The following MFAP3L variants were observed in gnomAD, a reference collection of about 807,000 sequenced individuals.
MFAP3L encodes the protein microfibrillar-associated protein 3-like.
A neutral mutation model predicts 20.0 loss-of-function variants in MFAP3L; 5 were observed. That is an observed-to-expected ratio of 0.25 (90% CI 0.13 to 0.53). MFAP3L has a LOEUF of 0.53. MFAP3L is among the 20% of genes least tolerant of loss of function. The pLI, the probability that MFAP3L is intolerant of heterozygous loss-of-function variation, is 0.96. For missense variants in MFAP3L, 409 were observed against 527.5 expected, an observed-to-expected ratio of 0.78 and a Z score of 2.20; for synonymous variants, 219 against 213.0, an observed-to-expected ratio of 1.03 and a Z score of -0.25.
intron 1 of MFAP3L, among the ~76,000 whole-genome samples, chr4:170,019,891 C>A (rs925916621): frequency 6.6e-6 from 1 of 152,166 alleles, no homozygotes; most frequent in Non-Finnish European, 1.5e-5. Flanking sequence ...CAGTCTCAAT[C>A]CAGAATTAGG....
chr4:169,999,847 G>A (rs528425122), intron 2 of MFAP3L, among the ~76,000 whole-genome samples: 11 of 152,292 alleles, frequency 7.2e-5, no homozygotes, highest in African/African-American at 2.6e-4. Flanking sequence ...GCTCCTTTGG[G>A]TTACAGCAGG....
chr4:169,998,140 G>C (rs540757790), intron 2 of MFAP3L, among the ~76,000 whole-genome samples: 1 of 152,252 alleles, frequency 6.6e-6, no homozygotes, highest in African/African-American at 2.4e-5. Context: ...TCCACACCGG[G>C]AAGGCAGCTG....
chr4:170,004,782 G>C (rs752928285), intron 2 of MFAP3L, among the ~76,000 whole-genome samples: 1 of 152,130 alleles, frequency 6.6e-6, no homozygotes, highest in Admixed American at 6.6e-5. Context: ...TGCTACTTTA[G>C]AACAATGTTC....
intron 1 of MFAP3L, among the ~76,000 whole-genome samples, chr4:170,024,844 A>C (rs1740252449): frequency 6.6e-6 from 1 of 152,240 alleles, no homozygotes; most frequent in South Asian, 2.1e-4. Context: ...CTTGCAAGCA[A>C]GCACCAACCT....
chr4:169,998,214 T>C (rs924682859), intron 2 of MFAP3L, among the ~76,000 whole-genome samples: 2 of 152,148 alleles, frequency 1.3e-5, no homozygotes, highest in African/African-American at 2.4e-5. Flanking sequence ...GTCTCCTCAA[T>C]AGGACAGTGC....
At chr4:170,018,081 C>T (rs1739809921) in intron 1 of MFAP3L, among the ~76,000 whole-genome samples, 1 of 152,122 alleles carries the variant, frequency 6.6e-6, no homozygotes, top group South Asian at 2.1e-4. Flanking sequence ...CTTGGTGACA[C>T]CTGCATACAA....
At chr4:170,017,784 T>C (rs191640953) in intron 1 of MFAP3L, among the ~76,000 whole-genome samples, 3 of 152,338 alleles carry the variant, frequency 2.0e-5, no homozygotes, top group Admixed American at 2.0e-4. Context: ...TTAAACAAAA[T>C]CACCAGAAGA....
At chr4:170,009,623 A>G (rs1739253558) in intron 1 of MFAP3L, among the ~76,000 whole-genome samples, 10 of 152,236 alleles carry the variant, frequency 6.6e-5, no homozygotes, top group Admixed American at 6.5e-4. Flanking sequence ...GTTAAACCTC[A>G]TAATCTTTGG....
intron 1 of MFAP3L, among the ~76,000 whole-genome samples, chr4:170,023,429 T>C (rs1740159061): frequency 6.6e-6 from 1 of 152,204 alleles, no homozygotes; most frequent in South Asian, 2.1e-4. Flanking sequence ...GCATAACTTA[T>C]AAACTACTTC....
chr4:170,005,531 G>A lies in MFAP3L; in HGVS notation c.298+49C>T, dbSNP rs565517278. 1.5e-4 allele frequency: 236 copies of A among 1,573,296 alleles called. 4 individuals carry two copies. In the South Asian group the frequency reaches 2.4e-3, roughly 16 times the overall value. On this transcript the variant is annotated intron_variant, in intron 2 of 2. Transcript: ENST00000361618. ...TAACATCACGGGTGCTGGCTCCAAA[G>A]CTCCTGTTTATATTTTATTATGACA...
chr4:169,999,770 A>G (rs752644081), intron 2 of MFAP3L, among the ~76,000 whole-genome samples: 1 of 152,196 alleles, frequency 6.6e-6, no homozygotes, highest in Non-Finnish European at 1.5e-5. Context: ...CAGAAAATTA[A>G]CCTTAGTAAA....
At chr4:169,996,047 CCTCT>C (rs1211514559) in intron 2 of MFAP3L, among the ~76,000 whole-genome samples, 1 of 135,424 alleles carries the variant, frequency 7.4e-6, no homozygotes, top group Admixed American at 7.7e-5. Context: ...TCCTCCATCC[CCTCT>C]CTCTCAGCTC....
intron 1 of MFAP3L, among the ~76,000 whole-genome samples, chr4:170,010,808 C>CG (rs374665714): frequency 0.061 from 9,120 of 150,418 alleles, 390 homozygotes; most frequent in Non-Finnish European, 0.09. Flanking sequence ...CACTGCATTG[C>CG]GGGGGGGTGG....
At chr4:169,998,835 A>G (rs1581469092) in intron 2 of MFAP3L, among the ~76,000 whole-genome samples, 1 of 152,250 alleles carries the variant, frequency 6.6e-6, no homozygotes, top group East Asian at 1.9e-4. Flanking sequence ...CTTGAAACTA[A>G]TTTAAAAATA....
At chr4:170,000,417 C>A (rs1308296757) in intron 2 of MFAP3L, among the ~76,000 whole-genome samples, 3 of 152,082 alleles carry the variant, frequency 2.0e-5, no homozygotes, top group Admixed American at 6.5e-5. Context: ...GGATTTTTAG[C>A]AATTGAAACC....
intron 1 of MFAP3L, among the ~76,000 whole-genome samples, chr4:170,014,944 C>T (rs951379311): frequency 2.0e-5 from 3 of 152,214 alleles, no homozygotes; most frequent in Non-Finnish European, 4.4e-5. Context: ...TAGTACCCAA[C>T]TGAGACACAG....
At chr4:170,015,028 C>T (rs1353124163) in intron 1 of MFAP3L, among the ~76,000 whole-genome samples, 1 of 152,170 alleles carries the variant, frequency 6.6e-6, no homozygotes, top group Non-Finnish European at 1.5e-5. Context: ...AGGTCTCCTG[C>T]AGCCGTGGAG....
intron 2 of MFAP3L, among the ~76,000 whole-genome samples, chr4:170,004,540 C>T (rs976728873): frequency 6.6e-6 from 1 of 152,150 alleles, no homozygotes; most frequent in East Asian, 1.9e-4. Context: ...CTCAACCATT[C>T]GGAACACAGC....
At position 169,991,408 on chromosome 4, in the gene MFAP3L, G is replaced by A; in HGVS notation, c.1200C>T (p.Asn400=). The change falls in exon 3 of 3, where the codon AAC becomes AAT. Residue 400 remains asparagine (N), a synonymous_variant. Transcript: ENST00000361618. This position sits in a 1 kb window ranked among gnomAD's most constrained non-coding sequence, Gnocchi z 4.9. ...CATGGCTTTCGTAAATAATGCAGGT[G>A]TTTTTGTCATGTGTCACTGCTGGCT... The part of the protein sequence containing the change: ...ATEPAVTHDK[N]TCIIYESHV 1.2e-6 allele frequency: 2 copies of A among 1,614,074 alleles called. No homozygotes were observed.
Sources: gnomAD v4.1 joint callset for allele counts (sites outside exome capture counted in the v4.1 genomes callset) on GRCh38, gnomAD v4.1.1 for gene constraint, Gnocchi (gnomAD v3.1) non-coding constraint, MANE v1.5 for transcripts, NCBI Gene and HGNC (gene_info 2026-07-23, HGNC 2026-07-21) for gene names.